Variants in SLC2A1 observed in about 807,000 individuals in gnomAD.
SLC2A1 encodes the protein solute carrier family 2, facilitated glucose transporter member 1.
SLC2A1 carries 4 observed loss-of-function variants against 46.6 expected under a neutral mutation model. The observed-to-expected ratio is 0.09, with a 90% CI of 0.04 to 0.20. The LOEUF (loss-of-function observed/expected upper bound fraction) is 0.20. SLC2A1 is among the 10% of genes least tolerant of loss of function. The pLI, the probability that SLC2A1 is intolerant of heterozygous loss-of-function variation, is 1.00. For missense variants in SLC2A1, 352 were observed against 667.0 expected (o/e 0.53, Z 5.20); for synonymous variants, 253 against 270.0 (o/e 0.94, Z 0.62).
chr1:42,928,209 C>T (rs1249027940), intron 8 of SLC2A1, among the ~76,000 whole-genome samples: 13 of 152,214 alleles, frequency 8.5e-5, no homozygotes, highest in Non-Finnish European at 1.8e-4. Context: ...GCTAAGCATA[C>T]GGTTCTGCAT....
rs1487022708 is a variant in SLC2A1 at position 42,926,754 on chromosome 1, G to A, written c.*287C>T. On this transcript the variant is annotated 3_prime_UTR_variant, in exon 10 of 10. Coordinates refer to ENST00000426263, the MANE Select transcript of SLC2A1 (RefSeq NM_006516.4). ...CCATTCAGGGTGAAGCCTGGGATGTGGGCACAGGAGACTCAGGCTGATATA... is the reference window on the plus strand; with the variant it reads ...CCATTCAGGGTGAAGCCTGGGATGTAGGCACAGGAGACTCAGGCTGATATA... 7.1e-7 allele frequency: 1 copy of A among 1,410,074 alleles called. No homozygotes were observed. Among genetic ancestry groups the A allele is most frequent in the South Asian group, 1.2e-5 (1 of 81,858 alleles). The allele number at this position is 1,410,074 out of a possible 1,614,324, so 87.3% of individuals were successfully genotyped here.
intron 2 of SLC2A1, among the ~76,000 whole-genome samples, chr1:42,935,609 G>A (rs1415980800): frequency 6.6e-6 from 1 of 152,234 alleles, no homozygotes; most frequent in East Asian, 1.9e-4. Context: ...GAATGTAAGA[G>A]TAAGGAGGAA....
At chr1:42,945,754 C>CA (rs55898550) in intron 1 of SLC2A1, among the ~76,000 whole-genome samples, 56,802 of 139,974 alleles carry the variant, frequency 0.41, 13,122 homozygotes, top group African/African-American at 0.63. Flanking sequence ...AAAAAAAAAA[C>CA]AAAAAACAAA....
chr1:42,947,554 T>C (rs1643669230), intron 1 of SLC2A1, among the ~76,000 whole-genome samples: 1 of 115,282 alleles, frequency 8.7e-6, no homozygotes. Flanking sequence ...AAACCAGGTC[T>C]CTACTAAAAT....
At chr1:42,944,703 CAGG>C (rs1429497125) in intron 1 of SLC2A1, among the ~76,000 whole-genome samples, 4 of 152,332 alleles carry the variant, frequency 2.6e-5, no homozygotes, top group African/African-American at 7.2e-5. Context: ...GGCTTCGGCC[CAGG>C]AGGAGTGTGC....
At position 42,945,118 on chromosome 1, in the gene SLC2A1, G is replaced by C. The variant is rs1346053517; in HGVS notation, c.19-1797C>G. ...GGGCTCACTAAACAGCGACTGCTAG[G>C]CCCGCCACGTGCTGGGCTTTCTGCC... is the stretch of plus-strand genomic sequence containing the variant. On this transcript the variant is annotated intron_variant, in intron 1 of 9. Transcript: ENST00000426263. Among the ~76,000 whole-genome samples, 3 of 152,244 alleles carry C rather than the reference G, an allele frequency of 2.0e-5. No homozygotes were observed. The East Asian group carries it at 5.8e-4, about 29-fold the overall frequency.
intron 1 of SLC2A1, among the ~76,000 whole-genome samples, chr1:42,949,655 G>T (rs1189556411): frequency 6.6e-6 from 1 of 152,226 alleles, no homozygotes. Context: ...AGAACTGAGA[G>T]GAGGGGGCTG....
rs1050724948 is a variant in SLC2A1 at position 42,954,394 on chromosome 1, A to T, written c.18+4240T>A. On this transcript the variant is annotated intron_variant, in intron 1 of 9. Transcript: ENST00000426263. The surrounding 1 kb of genome is among the most constrained non-coding windows in gnomAD (Gnocchi z 4.2). ...AAAAAAATTAGCCGGGCATGGTGGC[A>T]CATGCCTGTAATCCCAGCTACTCGG... Among the ~76,000 whole-genome samples, 24 of 152,114 alleles carry T rather than the reference A, an allele frequency of 1.6e-4. No homozygotes were observed. The highest frequency in any genetic ancestry group is 5.3e-4 in the African/African-American group (22 of 41,410).
chr1:42,946,154 G>A (rs1167514609), intron 1 of SLC2A1, among the ~76,000 whole-genome samples: 1 of 152,158 alleles, frequency 6.6e-6, no homozygotes, highest in East Asian at 1.9e-4. Flanking sequence ...CTGAGCAGCT[G>A]CTCGACTGTA....
Position 42,954,284 on chromosome 1 carries a change from C to T in SLC2A1, c.18+4350G>A, listed in dbSNP as rs1282880119. Among the ~76,000 whole-genome samples the T allele has an allele frequency of 2.0e-5, 3 of 151,900 alleles. No individual in the cohort carries two copies. The highest frequency in any genetic ancestry group is 2.9e-5 in the Non-Finnish European group (2 of 67,974). Reference sequence around the variant, plus strand: ...CTGTAATCCCAGCACTTTGGGAGGCCGAGGTGGGCGGATCACCTGAGGTCT... The same window carrying T: ...CTGTAATCCCAGCACTTTGGGAGGCTGAGGTGGGCGGATCACCTGAGGTCT... On this transcript the variant is annotated intron_variant, in intron 1 of 9. Coordinates refer to ENST00000426263, the MANE Select transcript of SLC2A1 (RefSeq NM_006516.4). The surrounding 1 kb of genome is among the most constrained non-coding windows in gnomAD (Gnocchi z 4.2).
chr1:42,951,684 A>G (rs1643721747), intron 1 of SLC2A1: 1 of 394,580 alleles, frequency 2.5e-6, no homozygotes, highest in Non-Finnish European at 4.5e-6. Context: ...TTTTAATCCA[A>G]TTTTTTTTCC....
intron 1 of SLC2A1, among the ~76,000 whole-genome samples, chr1:42,955,515 T>C (rs929241966): frequency 6.6e-6 from 1 of 152,022 alleles, no homozygotes; most frequent in Non-Finnish European, 1.5e-5. Context: ...GAGGCTGAGG[T>C]GACAGAATCG....
At chr1:42,939,381 A>C (rs1288534205) in intron 2 of SLC2A1, among the ~76,000 whole-genome samples, 1 of 152,242 alleles carries the variant, frequency 6.6e-6, no homozygotes, top group Non-Finnish European at 1.5e-5. Context: ...GCTAGATTTC[A>C]GCGTTCTCAG....
At chr1:42,943,094 G>A (rs1025435058) in intron 2 of SLC2A1, 132 bp downstream of exon 2, 1 of 717,524 alleles carries the variant, frequency 1.4e-6, no homozygotes, top group African/African-American at 1.7e-5. Context: ...CAGAAAACTG[G>A]CTGGAGAGGC....
Position 42,942,841 on chromosome 1 carries a change from T to C in SLC2A1, c.114+385A>G, listed in dbSNP as rs187913441. 94 of 326,884 alleles carry C rather than the reference T, an allele frequency of 2.9e-4. No homozygotes were observed. In the East Asian group the frequency reaches 5.3e-3, roughly 18 times the overall value. The allele number at this position is 326,884 out of a possible 1,614,324, so 20.2% of individuals were successfully genotyped here. A position where few individuals can be genotyped will look rare whatever the true frequency, so the allele number is the denominator to read the frequency against. On this transcript the variant is annotated intron_variant, in intron 2 of 9. Transcript: ENST00000426263. ...CCTCCTGACAGTGCTGCAGTGAGCATCAAGTGAGACAAGCCCATGAAAACC... is the reference window on the plus strand; with the variant it reads ...CCTCCTGACAGTGCTGCAGTGAGCACCAAGTGAGACAAGCCCATGAAAACC...
chr1:42,934,215 A>C (rs1643520387), intron 2 of SLC2A1, among the ~76,000 whole-genome samples: 1 of 152,178 alleles, frequency 6.6e-6, no homozygotes, highest in African/African-American at 2.4e-5. Context: ...GTGGTCACAC[A>C]GTCAAAGGGA....
intron 1 of SLC2A1, among the ~76,000 whole-genome samples, chr1:42,949,207 G>A (rs756827808): frequency 1.3e-5 from 2 of 152,008 alleles, no homozygotes; most frequent in Non-Finnish European, 2.9e-5. Flanking sequence ...GATATTGCAC[G>A]ACTGCATTCC....
At chr1:42,955,525 G>A (rs916383096) in intron 1 of SLC2A1, among the ~76,000 whole-genome samples, 3 of 152,148 alleles carry the variant, frequency 2.0e-5, no homozygotes, top group African/African-American at 7.2e-5. Flanking sequence ...TGACAGAATC[G>A]CTTGAGCCTG....
chr1:42,950,858 C>T (rs1285206070), intron 1 of SLC2A1, among the ~76,000 whole-genome samples: 1 of 152,072 alleles, frequency 6.6e-6, no homozygotes, highest in African/African-American at 2.4e-5. Context: ...GCCTGTAATC[C>T]CAACTACTCG....
Sources: allele counts gnomAD v4.1 joint callset (sites outside exome capture counted in the v4.1 genomes callset), GRCh38; gene constraint gnomAD v4.1.1; non-coding constraint Gnocchi (gnomAD v3.1); transcripts MANE v1.5; gene names NCBI Gene and HGNC (gene_info 2026-07-23, HGNC 2026-07-21).